Variants in DOC2B observed in about 807,000 individuals in gnomAD.
The protein encoded by DOC2B is double C2 domain beta.
Under a neutral mutation model 28.9 loss-of-function variants are expected in DOC2B, and 21 were observed. The ratio of observed to expected loss-of-function variants is 0.73; its 90% confidence interval spans 0.52 to 1.05. The LOEUF (loss-of-function observed/expected upper bound fraction) is 1.05. Among genes scored for constraint, DOC2B ranks in the 50% least tolerant of loss-of-function variants. The probability of loss-of-function intolerance (pLI) is 0.00; values close to 1 mark genes in which losing one functional copy is unlikely to be tolerated. For synonymous variants in DOC2B, 194 were observed against 178.1 expected (o/e 1.09, Z -0.71); for missense variants, 384 against 421.1 (o/e 0.91, Z 0.77).
intron 7 of DOC2B, 29 bp from the exon 8 acceptor site, chr17:148,298 G>GATGCCT (rs2040036755): frequency 2.5e-6 from 1 of 398,684 alleles, no homozygotes; most frequent in African/African-American, 2.1e-5. Flanking sequence ...TGTTAGGGCT[G>GATGCCT]ATGCCTGGGC....
rs2039999170 is a variant in DOC2B, at chr17:143,720, G to C, written c.*3721C>G. The C allele has an allele frequency of 6.6e-6, 1 of 151,798 alleles. No homozygotes were observed. Among genetic ancestry groups the C allele is most frequent in the Non-Finnish European group, 1.5e-5 (1 of 68,008 alleles). 9.4% of individuals were successfully genotyped at this position (151,798 alleles called of 1,614,324 possible). A position where few individuals can be genotyped will look rare whatever the true frequency, so the allele number is the denominator to read the frequency against. On this transcript the variant is annotated 3_prime_UTR_variant, in exon 9 of 9. Transcript: ENST00000613549. ...GCAATATGACGTTTCCATTTACTTT[G>C]GATTATATGTCATTATAAATATTAA...
intron 1 of DOC2B, among the ~76,000 whole-genome samples, chr17:176,112 G>A (rs535736961): frequency 2.6e-5 from 4 of 152,252 alleles, no homozygotes; most frequent in East Asian, 3.9e-4. Context: ...GCTGCTCAGC[G>A]TGGCCCAGCA....
At chr17:178,141 G>T (rs938511424) in intron 1 of DOC2B, among the ~76,000 whole-genome samples, 1 of 152,234 alleles carries the variant, frequency 6.6e-6, no homozygotes, top group African/African-American at 2.4e-5. Context: ...GGACCTGAGG[G>T]TCCTGCTTGG....
chr17:174,157 T>C (rs956614149), intron 1 of DOC2B, among the ~76,000 whole-genome samples: 5 of 152,206 alleles, frequency 3.3e-5, no homozygotes, highest in African/African-American at 1.2e-4. Flanking sequence ...TTTGTCTAGA[T>C]CATCCCCTTC....
chr17:169,277 G>A (rs140446827), intron 2 of DOC2B, among the ~76,000 whole-genome samples: 1 of 152,144 alleles, frequency 6.6e-6, no homozygotes, highest in Non-Finnish European at 1.5e-5. Context: ...CCGGGAGACT[G>A]CACTTACATG....
chr17:180,218 C>T (rs1256552659), intron 1 of DOC2B, among the ~76,000 whole-genome samples: 3 of 152,256 alleles, frequency 2.0e-5, no homozygotes, highest in African/African-American at 7.2e-5. Flanking sequence ...CAAACCGACT[C>T]CTCACTGGAC....
In DOC2B at chr17:160,567, C is replaced by T. The variant is rs139881546; in HGVS notation, c.765+848G>A. Among the ~76,000 whole-genome samples the T allele has an allele frequency of 6.4e-3, 969 of 152,284 alleles. 11 individuals are homozygous for T. The highest frequency in any genetic ancestry group is 0.031 in the Middle Eastern group (9 of 294). On this transcript the variant is annotated intron_variant, in intron 5 of 8. Coordinates refer to ENST00000613549, the MANE Select transcript of DOC2B (RefSeq NM_003585.5). ...CCAAACTTGCCCCTTGCCCAGTCCT[C>T]TTAGGGGGACAACGTGCCATCGAGG...
intron 7 of DOC2B, among the ~76,000 whole-genome samples, chr17:148,740 G>A (rs2040041746): frequency 6.6e-6 from 1 of 152,132 alleles, no homozygotes; most frequent in East Asian, 1.9e-4. Flanking sequence ...TTCCTTGGGG[G>A]GAATCCGCAT....
chr17:157,776 G>A (rs1555522751), intron 5 of DOC2B, among the ~76,000 whole-genome samples: 1 of 152,184 alleles, frequency 6.6e-6, no homozygotes, highest in African/African-American at 2.4e-5. Flanking sequence ...CCTCAGGGCT[G>A]GGCAAGGCCC....
In DOC2B at chr17:144,807, C is replaced by A. The variant is rs2040008076; in HGVS notation, c.*2634G>T. On this transcript the variant is annotated 3_prime_UTR_variant, in exon 9 of 9. Transcript: ENST00000613549. ...TTCTGGGTTCTTGTCCCAGCTGTGC[C>A]CCTTCAGGCCCCTTTCACCCACTGG... 1 of 152,216 alleles carries A rather than the reference C, an allele frequency of 6.6e-6. No homozygotes were observed. Among genetic ancestry groups the A allele is most frequent in the Non-Finnish European group, 1.5e-5 (1 of 68,086 alleles). 9.4% of individuals were successfully genotyped at this position (152,216 alleles called of 1,614,324 possible). A position where few individuals can be genotyped will look rare whatever the true frequency, so the allele number is the denominator to read the frequency against.
chr17:172,446 A>C, intron 2 of DOC2B, 91 bp downstream of exon 2: 1 of 1,041,540 alleles, frequency 9.6e-7, no homozygotes, highest in Non-Finnish European at 1.4e-6. Context: ...CTGGACAGGA[A>C]CCTGGGGAGT....
intron 7 of DOC2B, among the ~76,000 whole-genome samples, chr17:148,807 G>T (rs947092743): frequency 6.6e-6 from 1 of 151,978 alleles, no homozygotes; most frequent in African/African-American, 2.4e-5. Context: ...AGGGTGTCTC[G>T]AGTCCCCTTG....
intron 2 of DOC2B, among the ~76,000 whole-genome samples, chr17:172,328 C>T (rs1371599985): frequency 6.6e-6 from 1 of 152,146 alleles, no homozygotes; most frequent in Non-Finnish European, 1.5e-5. Context: ...CTTTGCTCCC[C>T]GCAATGCCTG....
rs1555523205 is a variant in DOC2B at position 161,398 on chromosome 17, T to C, written c.765+17A>G. The C allele has an allele frequency of 1.3e-6, 2 of 1,551,368 alleles. No homozygotes were observed. The highest frequency in any genetic ancestry group is 2.0e-5 in the Admixed American group (1 of 51,000). On this transcript the variant is annotated intron_variant, in intron 5 of 8. Coordinates refer to ENST00000613549, the MANE Select transcript of DOC2B (RefSeq NM_003585.5). ...ACCGAGCCAGGTACACAGCAGGTGC[T>C]CAATCAATCCTCTCACCGGCAGCTG...
chr17:172,576 C>T lies in DOC2B; in HGVS notation c.414G>A (p.Gln138=), dbSNP rs773549518. The T allele has an allele frequency of 5.4e-5, 83 of 1,551,154 alleles. No individual in the cohort carries two copies. Among genetic ancestry groups the T allele is most frequent in the Non-Finnish European group, 7.1e-5 (81 of 1,146,642 alleles). ...GTLDFSLLYD[Q]ENNALHCTIT... is the part of the protein sequence containing the mutation. ...TGGTGCAGTGGAGGGCGTTGTTCTCCTGGTCATACAGCAGGCTGAAGTCCA... is the reference window on the plus strand; with the variant it reads ...TGGTGCAGTGGAGGGCGTTGTTCTCTTGGTCATACAGCAGGCTGAAGTCCA... Residue 138 remains glutamine (Q), a synonymous_variant, in exon 2 of 9, where the codon CAG becomes CAA. Coordinates refer to ENST00000613549, the MANE Select transcript of DOC2B (RefSeq NM_003585.5).
At chr17:176,389 G>GTT in intron 1 of DOC2B, among the ~76,000 whole-genome samples, 1 of 87,038 alleles carries the variant, frequency 1.1e-5, no homozygotes, top group African/African-American at 3.7e-5. Context: ...CAGTGGTGTT[G>GTT]GTGCGGGGGG....
At position 177,453 on chromosome 17, in the gene DOC2B, C is replaced by CTG. The variant is rs915450202; in HGVS notation, c.373+3652_373+3653dup. Among the ~76,000 whole-genome samples, 508 of 152,326 alleles carry CTG rather than the reference C, an allele frequency of 3.3e-3. 1 individual carries two copies. Among genetic ancestry groups the CTG allele is most frequent in the African/African-American group, 0.012 (485 of 41,570 alleles). Reference sequence around the variant, plus strand: ...GGCTGAGTTTCTGACACTTCAGGACCTGTGTACACAGCTGTCCCTCTGCGA... The same window carrying CTG: ...GGCTGAGTTTCTGACACTTCAGGACCTGTGTGTACACAGCTGTCCCTCTGCGA... On this transcript the variant is annotated intron_variant, in intron 1 of 8. Transcript: ENST00000613549.
intron 1 of DOC2B, among the ~76,000 whole-genome samples, chr17:176,414 T>G (rs2040371289): frequency 6.6e-6 from 1 of 151,780 alleles, no homozygotes; most frequent in African/African-American, 2.4e-5. Context: ...GGGGGGTAGG[T>G]CTCACTACGT....
chr17:181,603 G>T lies in DOC2B; in HGVS notation c.-124C>A. 2 of 323,998 alleles carry T rather than the reference G, an allele frequency of 6.2e-6. No homozygotes were observed. The highest frequency in any genetic ancestry group is 8.8e-6 in the Non-Finnish European group (2 of 227,940). The allele number at this position is 323,998 out of a possible 1,614,324, so 20.1% of individuals were successfully genotyped here. On this transcript the variant is annotated 5_prime_UTR_variant, in exon 1 of 9. Coordinates refer to ENST00000613549, the MANE Select transcript of DOC2B (RefSeq NM_003585.5). This position sits in a 1 kb window ranked among gnomAD's most constrained non-coding sequence, Gnocchi z 7.0. ...GCATCGCCGGCCGCGCCCCCGGACGGCCCTGACTTGGCCGCTGCCCGCTCC... is the reference window on the plus strand; with the variant it reads ...GCATCGCCGGCCGCGCCCCCGGACGTCCCTGACTTGGCCGCTGCCCGCTCC...
Sources: gnomAD v4.1 joint callset for allele counts (sites outside exome capture counted in the v4.1 genomes callset) on GRCh38, gnomAD v4.1.1 for gene constraint, Gnocchi (gnomAD v3.1) non-coding constraint, MANE v1.5 for transcripts, NCBI Gene and HGNC (gene_info 2026-07-23, HGNC 2026-07-21) for gene names.